The following SMYD3 variants were observed in gnomAD, a reference collection of about 807,000 sequenced individuals.
SMYD3 encodes histone-lysine N-methyltransferase SMYD3.
Under a neutral mutation model 57.7 loss-of-function variants are expected in SMYD3, and 36 were observed. The observed-to-expected ratio is 0.62, with a 90% CI of 0.48 to 0.82. The LOEUF (loss-of-function observed/expected upper bound fraction) is 0.82, where lower values mean the gene tolerates loss of function less well. SMYD3 is among the 40% of genes least tolerant of loss of function. The pLI is 0.00. For synonymous variants in SMYD3, 211 were observed against 195.0 expected (o/e 1.08, Z -0.68); for missense variants, 515 against 538.8 (o/e 0.96, Z 0.44).
chr1:246,307,803 C>A (rs2148626944), intron 5 of SMYD3, among the ~76,000 whole-genome samples: 1 of 152,260 alleles, frequency 6.6e-6, no homozygotes, highest in Non-Finnish European at 1.5e-5. Flanking sequence ...CAGCCCCAGG[C>A]ATAAATTGCA....
At chr1:245,990,240 C>T (rs959804903) in intron 5 of SMYD3, among the ~76,000 whole-genome samples, 1 of 152,016 alleles carries the variant, frequency 6.6e-6, no homozygotes, top group South Asian at 2.1e-4. Context: ...CAGGCCTGCA[C>T]CACCACACCT....
chr1:246,058,851 G>T (rs1176154780), intron 5 of SMYD3, among the ~76,000 whole-genome samples: 1 of 151,594 alleles, frequency 6.6e-6, no homozygotes, highest in Non-Finnish European at 1.5e-5. Flanking sequence ...AGTTAACAAA[G>T]GTGCCCATTT....
At chr1:246,311,343 C>CA (rs1482069867) in intron 5 of SMYD3, among the ~76,000 whole-genome samples, 1 of 151,802 alleles carries the variant, frequency 6.6e-6, no homozygotes, top group Non-Finnish European at 1.5e-5. Context: ...ATTTTCAGCA[C>CA]AAAAAAAATC....
At chr1:245,932,870 T>C (rs1239975584) in intron 5 of SMYD3, among the ~76,000 whole-genome samples, 3 of 152,212 alleles carry the variant, frequency 2.0e-5, no homozygotes, top group Admixed American at 2.0e-4. Context: ...ATTTCATCTA[T>C]ATTAGTCTGA....
At chr1:246,401,782 G>A (rs1207276846) in intron 1 of SMYD3, among the ~76,000 whole-genome samples, 1 of 150,820 alleles carries the variant, frequency 6.6e-6, no homozygotes, top group African/African-American at 2.4e-5. Flanking sequence ...GAGTGCAATG[G>A]CACGATCTTG....
intron 1 of SMYD3, among the ~76,000 whole-genome samples, chr1:246,465,547 A>G (rs1218573383): frequency 6.6e-6 from 1 of 152,142 alleles, no homozygotes; most frequent in Non-Finnish European, 1.5e-5. Flanking sequence ...AAGAACACCT[A>G]TCGGGGCGGG....
At chr1:245,869,773 TCGC>T (rs1353263358) in intron 8 of SMYD3, among the ~76,000 whole-genome samples, 1 of 152,184 alleles carries the variant, frequency 6.6e-6, no homozygotes, top group African/African-American at 2.4e-5. Flanking sequence ...CCAACTAAAA[TCGC>T]CATCCTGTGG....
chr1:246,417,381 G>C (rs7527781), intron 1 of SMYD3: 32,076 of 134,250 alleles, frequency 0.24, 3,702 homozygotes, highest in Non-Finnish European at 0.3. Context: ...CAGCTGAGCA[G>C]AAGGAGGGGA....
At chr1:246,193,516 G>A (rs1386680712) in intron 5 of SMYD3, among the ~76,000 whole-genome samples, 2 of 152,134 alleles carry the variant, frequency 1.3e-5, no homozygotes, top group African/African-American at 4.8e-5. Flanking sequence ...GTGGCCTTGT[G>A]GCCTGATCTA....
intron 5 of SMYD3, among the ~76,000 whole-genome samples, chr1:246,193,059 T>C (rs1424658469): frequency 6.6e-6 from 1 of 152,224 alleles, no homozygotes; most frequent in East Asian, 1.9e-4. Flanking sequence ...TCATATTGTT[T>C]TTCATTCTAC....
At chr1:246,496,715 C>T (rs2068370486) in intron 1 of SMYD3, among the ~76,000 whole-genome samples, 1 of 152,040 alleles carries the variant, frequency 6.6e-6, no homozygotes, top group Admixed American at 6.6e-5. Flanking sequence ...GTGGTCCCAG[C>T]TACTCAAGGC....
chr1:246,296,998 A>G (rs1159151395), intron 5 of SMYD3, among the ~76,000 whole-genome samples: 1 of 152,198 alleles, frequency 6.6e-6, no homozygotes, highest in Non-Finnish European at 1.5e-5. Flanking sequence ...AGATTTGAGG[A>G]AAGTGCTAGA....
chr1:246,140,553 T>C (rs1018569608), intron 5 of SMYD3, among the ~76,000 whole-genome samples: 1 of 152,136 alleles, frequency 6.6e-6, no homozygotes, highest in African/African-American at 2.4e-5. Context: ...CCTATTAAAG[T>C]TTATACTTTA....
intron 5 of SMYD3, among the ~76,000 whole-genome samples, chr1:246,045,411 G>C (rs570591812): frequency 5.6e-4 from 85 of 152,144 alleles, no homozygotes; most frequent in Non-Finnish European, 8.8e-4. Flanking sequence ...AATGGTGCTG[G>C]GAAAACTGGC....
chr1:246,435,498 A>G (rs1298806119), intron 1 of SMYD3, among the ~76,000 whole-genome samples: 2 of 151,730 alleles, frequency 1.3e-5, no homozygotes, highest in Non-Finnish European at 1.5e-5. Context: ...TTATATTCAG[A>G]CTCTGAAGCT....
chr1:245,800,816 G>T (rs904368483), intron 10 of SMYD3, among the ~76,000 whole-genome samples: 1 of 152,198 alleles, frequency 6.6e-6, no homozygotes. Context: ...ATTCGGGCTG[G>T]CTGACAATGA....
chr1:246,422,641 C>A (rs937431340), intron 1 of SMYD3, among the ~76,000 whole-genome samples: 1 of 152,096 alleles, frequency 6.6e-6, no homozygotes, highest in African/African-American at 2.4e-5. Flanking sequence ...AGGCTGGTCT[C>A]GAACTCCTGA....
intron 7 of SMYD3, among the ~76,000 whole-genome samples, chr1:245,920,142 T>A (rs937619418): frequency 4.0e-5 from 6 of 151,796 alleles, no homozygotes; most frequent in Non-Finnish European, 7.4e-5. Context: ...TGAAACCCCG[T>A]CTCTACTAAA....
intron 5 of SMYD3, among the ~76,000 whole-genome samples, chr1:246,000,829 A>G (rs1220231887): frequency 6.6e-6 from 1 of 152,248 alleles, no homozygotes; most frequent in Non-Finnish European, 1.5e-5. Context: ...CTAACAGAAC[A>G]TATCTATCAG....
Sources: gnomAD v4.1 joint callset for allele counts (sites outside exome capture counted in the v4.1 genomes callset) on GRCh38, gnomAD v4.1.1 for gene constraint, MANE v1.5 for transcripts, NCBI Gene and HGNC (gene_info 2026-07-23, HGNC 2026-07-21) for gene names.